The following DNAAF9 variants were observed in gnomAD, a reference collection of about 807,000 sequenced individuals.
The protein encoded by DNAAF9 is dynein axonemal assembly factor 9.
Under a neutral mutation model 167.0 loss-of-function variants are expected in DNAAF9, and 90 were observed. The ratio of observed to expected loss-of-function variants is 0.54; its 90% CI spans 0.45 to 0.64. The LOEUF (loss-of-function observed/expected upper bound fraction) is 0.64. Ranked by LOEUF, DNAAF9 falls within the 30% of genes least tolerant of loss-of-function variation. DNAAF9 has a pLI of 0.00. For missense variants in DNAAF9, 1,315 were observed against 1,442.2 expected (o/e 0.91, Z 1.43); for synonymous variants, 491 against 508.8 (o/e 0.96, Z 0.47).
intron 1 of DNAAF9, among the ~76,000 whole-genome samples, chr20:3,389,022 G>A (rs1193566208): frequency 1.3e-5 from 2 of 152,138 alleles, no homozygotes; most frequent in African/African-American, 4.8e-5. Context: ...AGGCTGGAGT[G>A]CAATGGTGCA....
chr20:3,271,425 C>T (rs995174554), intron 29 of DNAAF9, among the ~76,000 whole-genome samples: 2 of 152,060 alleles, frequency 1.3e-5, no homozygotes, highest in African/African-American at 2.4e-5. Flanking sequence ...TCACTCCCAA[C>T]CTTTTGGTGA....
intron 17 of DNAAF9, among the ~76,000 whole-genome samples, 187 bp from the exon 18 acceptor site, chr20:3,316,980 T>C (rs1448622362): frequency 6.8e-6 from 1 of 146,084 alleles, no homozygotes; most frequent in Non-Finnish European, 1.5e-5. Context: ...CTGCAACCTC[T>C]GCCTAGCAAG....
intron 30 of DNAAF9, among the ~76,000 whole-genome samples, chr20:3,265,926 T>A (rs895562873): frequency 6.6e-6 from 1 of 152,182 alleles, no homozygotes; most frequent in Admixed American, 6.5e-5. Context: ...GTGATCCGCC[T>A]GCCTCAGCCT....
chr20:3,390,572 C>T (rs2083813104), intron 1 of DNAAF9, among the ~76,000 whole-genome samples: 1 of 152,096 alleles, frequency 6.6e-6, no homozygotes, highest in Non-Finnish European at 1.5e-5. Context: ...ACCATGTTGG[C>T]CAGGCTGTTC....
rs1163993447 is a variant in DNAAF9, at chr20:3,250,203, A to T, written c.*2369T>A. On this transcript the variant is annotated 3_prime_UTR_variant, in exon 37 of 37. Coordinates refer to ENST00000252032, the MANE Select transcript of DNAAF9 (RefSeq NM_001009984.3). The stretch of plus-strand genomic sequence containing the variant: ...AGCAGTGTCATGGCCATTCCTTTGG[A>T]AACAGCAGAAGACCCTGCTCCTCCC... 6.6e-6 allele frequency: 1 copy of T among 152,234 alleles called. No homozygotes were observed. Among genetic ancestry groups the T allele is most frequent in the Non-Finnish European group, 1.5e-5 (1 of 68,082 alleles). 9.4% of individuals were successfully genotyped at this position (152,234 alleles called of 1,614,324 possible).
intron 1 of DNAAF9, 45 bp downstream of exon 1, chr20:3,407,430 G>T (rs981479296): frequency 1.6e-6 from 2 of 1,266,494 alleles, no homozygotes; most frequent in Non-Finnish European, 2.0e-6. Context: ...CCGACAGCCC[G>T]CATCCCCCGC....
At chr20:3,343,606 C>T (rs754549350) in intron 9 of DNAAF9, 70 bp downstream of exon 9, 5 of 1,241,476 alleles carry the variant, frequency 4.0e-6, no homozygotes, top group Non-Finnish European at 5.9e-6. Flanking sequence ...TGCACCCCCA[C>T]AGCCAACCCC....
intron 29 of DNAAF9, among the ~76,000 whole-genome samples, chr20:3,271,683 G>T (rs1239172792): frequency 2.0e-5 from 3 of 147,922 alleles, no homozygotes; most frequent in Non-Finnish European, 4.4e-5. Flanking sequence ...GTGCAATGTT[G>T]CAATCTCAGC....
intron 7 of DNAAF9, among the ~76,000 whole-genome samples, chr20:3,358,993 G>A (rs2083325575): frequency 6.6e-6 from 1 of 152,162 alleles, no homozygotes. Context: ...TGGGAGCACA[G>A]ACATACCCAT....
chr20:3,390,035 CAAAA>C (rs1162463454), intron 1 of DNAAF9, among the ~76,000 whole-genome samples: 2 of 87,758 alleles, frequency 2.3e-5, no homozygotes. Context: ...GACTCCATCT[CAAAA>C]AAAAAAAAAA....
chr20:3,354,434 G>T (rs1366552822), intron 7 of DNAAF9, among the ~76,000 whole-genome samples: 6 of 152,222 alleles, frequency 3.9e-5, no homozygotes, highest in African/African-American at 1.4e-4. Context: ...ACTTCAAACA[G>T]AACTCCTGGC....
intron 33 of DNAAF9, 133 bp downstream of exon 33, chr20:3,259,347 C>T (rs1249831157): frequency 1.4e-6 from 1 of 714,258 alleles, no homozygotes; most frequent in East Asian, 2.6e-5. Context: ...GCGTGAAGGC[C>T]CAGGGTGGGG....
At chr20:3,327,173 A>C (rs776488129) in intron 12 of DNAAF9, among the ~76,000 whole-genome samples, 17 of 152,096 alleles carry the variant, frequency 1.1e-4, no homozygotes, top group Non-Finnish European at 2.2e-4. Context: ...ATTTCAGGGA[A>C]CCACCTAAGG....
intron 20 of DNAAF9, among the ~76,000 whole-genome samples, chr20:3,310,369 G>GAAAC (rs1568596663): frequency 6.6e-6 from 1 of 150,954 alleles, no homozygotes; most frequent in African/African-American, 2.4e-5. Flanking sequence ...AAGAAAGAAA[G>GAAAC]AAAGAAAGAA....
chr20:3,402,522 C>T (rs116526106), intron 1 of DNAAF9, among the ~76,000 whole-genome samples: 53 of 152,226 alleles, frequency 3.5e-4, no homozygotes, highest in Middle Eastern at 6.8e-3. Context: ...TCAACATCTC[C>T]CCATCCCCGC....
intron 10 of DNAAF9, among the ~76,000 whole-genome samples, chr20:3,339,430 C>A (rs193028871): frequency 1.3e-3 from 201 of 152,256 alleles, no homozygotes; most frequent in African/African-American, 4.4e-3. Context: ...TTATGTTAAT[C>A]TGGCTGGGAG....
intron 20 of DNAAF9, among the ~76,000 whole-genome samples, chr20:3,314,145 A>C (rs1003892589): frequency 6.6e-6 from 1 of 152,174 alleles, no homozygotes; most frequent in African/African-American, 2.4e-5. Context: ...CAGGAGCTGT[A>C]GACAGATTAC....
At chr20:3,318,234 CAA>C (rs59462924) in intron 17 of DNAAF9, 53 bp downstream of exon 17, 278,120 of 616,512 alleles carry the variant, frequency 0.45, 28,335 homozygotes, top group Non-Finnish European at 0.46. Flanking sequence ...TTTATTTTGC[CAA>C]AAAAAAAAAA....
At chr20:3,320,387 A>G (rs533564552) in intron 16 of DNAAF9, among the ~76,000 whole-genome samples, 1 of 152,298 alleles carries the variant, frequency 6.6e-6, no homozygotes, top group African/African-American at 2.4e-5. Flanking sequence ...ATGTAGACAA[A>G]AAGCATCAAC....
Sources: gnomAD v4.1 joint callset for allele counts (sites outside exome capture counted in the v4.1 genomes callset) on GRCh38, gnomAD v4.1.1 for gene constraint, MANE v1.5 for transcripts, NCBI Gene and HGNC (gene_info 2026-07-23, HGNC 2026-07-21) for gene names.